The following MEIKIN variants were observed in gnomAD, a reference collection of about 807,000 sequenced individuals.
MEIKIN encodes meiosis-specific kinetochore protein.
intron 8 of MEIKIN, among the ~76,000 whole-genome samples, chr5:131,904,004 T>C (rs1751203963): frequency 6.6e-6 from 1 of 150,418 alleles, no homozygotes; most frequent in South Asian, 2.1e-4. Context: ...AAAAAGCAGA[T>C]GCTGCTATTC....
chr5:131,853,619 G>A (rs1238702889), intron 10 of MEIKIN, among the ~76,000 whole-genome samples: 3 of 151,868 alleles, frequency 2.0e-5, no homozygotes, highest in African/African-American at 7.3e-5. Context: ...TTGGGTAATG[G>A]GTTAACATCT....
At chr5:131,864,739 C>T (rs1750354543) in intron 9 of MEIKIN, among the ~76,000 whole-genome samples, 1 of 152,186 alleles carries the variant, frequency 6.6e-6, no homozygotes, top group Admixed American at 6.5e-5. Context: ...ACTGAGCCTC[C>T]TGTATCTGGA....
chr5:131,846,410 ACTT>A (rs1750024050), intron 11 of MEIKIN, among the ~76,000 whole-genome samples: 2 of 152,244 alleles, frequency 1.3e-5, no homozygotes, highest in Admixed American at 1.3e-4. Flanking sequence ...TTATAACTCT[ACTT>A]CTTGTTTTCT....
intron 4 of MEIKIN, among the ~76,000 whole-genome samples, chr5:131,940,891 C>T (rs1172481514): frequency 1.3e-5 from 2 of 152,128 alleles, no homozygotes; most frequent in African/African-American, 4.8e-5. Context: ...TCTTCCTCTG[C>T]TATCCTTGTA....
At chr5:131,808,971 C>T (rs1420276899) in intron 12 of MEIKIN, among the ~76,000 whole-genome samples, 1 of 152,100 alleles carries the variant, frequency 6.6e-6, no homozygotes, top group Non-Finnish European at 1.5e-5. Flanking sequence ...AGCTACGTGG[C>T]AGAATCGCTG....
chr5:131,823,128 C>G (rs1279900433), intron 11 of MEIKIN, among the ~76,000 whole-genome samples: 3 of 151,950 alleles, frequency 2.0e-5, no homozygotes, highest in African/African-American at 4.8e-5. Context: ...TTTCTCTATC[C>G]TTGACCTTTC....
At chr5:131,879,200 G>T (rs1378536231) in intron 8 of MEIKIN, among the ~76,000 whole-genome samples, 152 bp from the exon 9 acceptor site, 1 of 152,070 alleles carries the variant, frequency 6.6e-6, no homozygotes, top group Non-Finnish European at 1.5e-5. Flanking sequence ...AATTAAACAA[G>T]AAAAATTAAT....
intron 11 of MEIKIN, among the ~76,000 whole-genome samples, chr5:131,821,723 G>A (rs564480948): frequency 5.5e-5 from 7 of 127,512 alleles, no homozygotes; most frequent in African/African-American, 1.8e-4. Flanking sequence ...ACAGCTCACC[G>A]CAGCCTTAAC....
At chr5:131,917,014 C>A in intron 6 of MEIKIN, 89 bp from the exon 7 acceptor site, 1 of 386,588 alleles carries the variant, frequency 2.6e-6, no homozygotes, top group South Asian at 1.3e-4. Flanking sequence ...AAGTGCAGTT[C>A]ATTTTTATAA....
chr5:131,943,843 T>G (rs879169780), intron 3 of MEIKIN, among the ~76,000 whole-genome samples: 1 of 151,950 alleles, frequency 6.6e-6, no homozygotes, highest in Admixed American at 6.6e-5. Context: ...CTTGGCCAGG[T>G]GTGATGGCTC....
intron 4 of MEIKIN, among the ~76,000 whole-genome samples, chr5:131,940,920 A>G (rs1751858782): frequency 6.6e-6 from 1 of 152,112 alleles, no homozygotes; most frequent in Non-Finnish European, 1.5e-5. Flanking sequence ...GAGTTACTTC[A>G]GACTCTCCTC....
intron 11 of MEIKIN, among the ~76,000 whole-genome samples, chr5:131,845,219 G>A (rs563990363): frequency 2.2e-5 from 3 of 139,280 alleles, no homozygotes; most frequent in East Asian, 2.0e-4. Context: ...GCAGTGAGCC[G>A]AGATGGCACC....
rs186793705 is a variant in MEIKIN, at chr5:131,812,292, A to G, written c.1100-5034T>C. ...TAGCACTTGAATGAATGAATATACC[A>G]TAGTTGATCCATTTTACTTAATGGG... On this transcript the variant is annotated intron_variant, in intron 12 of 12. Transcript: ENST00000442687. 4.8e-3 allele frequency among the ~76,000 whole-genome samples: 728 copies of G among 152,340 alleles called. 5 individuals carry two copies. Among genetic ancestry groups the G allele is most frequent in the African/African-American group, 0.017 (691 of 41,568 alleles).
intron 11 of MEIKIN, among the ~76,000 whole-genome samples, chr5:131,846,450 A>T (rs567501747): frequency 1.3e-5 from 2 of 152,352 alleles, no homozygotes; most frequent in African/African-American, 4.8e-5. Flanking sequence ...TAATAAATTT[A>T]AAAAATAATT....
chr5:131,902,044 A>G (rs1326668563), intron 8 of MEIKIN, among the ~76,000 whole-genome samples: 1 of 152,004 alleles, frequency 6.6e-6, no homozygotes, highest in Non-Finnish European at 1.5e-5. Flanking sequence ...GGTCCTTTAA[A>G]AGTGTATAGT....
chr5:131,832,744 A>G (rs1580863786), intron 11 of MEIKIN, among the ~76,000 whole-genome samples: 1 of 152,202 alleles, frequency 6.6e-6, no homozygotes, highest in South Asian at 2.1e-4. Flanking sequence ...CAGGCTCAAT[A>G]CCATGTGGAA....
chr5:131,916,068 TTAAA>T (rs1751411817), intron 7 of MEIKIN, among the ~76,000 whole-genome samples: 1 of 152,202 alleles, frequency 6.6e-6, no homozygotes, highest in African/African-American at 2.4e-5. Context: ...AATGTGCTAC[TTAAA>T]TAAAGAGAAT....
chr5:131,863,733 CAT>C lies in MEIKIN; in HGVS notation c.775-8901_775-8900del, dbSNP rs550744562. ...CATCTTGTAGCTTCCATAATTCTCA[CAT>C]GTTATGGGAGGGACCCTCTGAGAGA... On this transcript the variant is annotated intron_variant, in intron 9 of 12. Transcript: ENST00000442687. Among the ~76,000 whole-genome samples the C allele has an allele frequency of 1.1e-3, 165 of 152,130 alleles. 1 individual carries two copies. The highest frequency in any genetic ancestry group is 1.6e-3 in the Non-Finnish European group (111 of 67,996).
intron 9 of MEIKIN, among the ~76,000 whole-genome samples, chr5:131,868,866 T>C (rs753770031): frequency 2.0e-5 from 3 of 152,262 alleles, no homozygotes; most frequent in Non-Finnish European, 4.4e-5. Flanking sequence ...TCTTTGTCTA[T>C]GTTGGTTTAC....
Sources: allele counts gnomAD v4.1 joint callset (sites outside exome capture counted in the v4.1 genomes callset), GRCh38; gene constraint gnomAD v4.1.1; transcripts MANE v1.5; gene names NCBI Gene and HGNC (gene_info 2026-07-23, HGNC 2026-07-21).